The following LOXL4 variants were observed in gnomAD, a reference collection of about 807,000 sequenced individuals.
LOXL4 encodes lysyl oxidase homolog 4.
LOXL4 carries 72 observed loss-of-function variants against 89.1 expected under a neutral mutation model. That is an observed-to-expected ratio of 0.81 (90% confidence interval 0.67 to 0.98). LOXL4 has a LOEUF of 0.98. LOXL4 is among the 50% of genes least tolerant of loss of function. LOXL4 has a pLI of 0.00. For missense variants in LOXL4, 984 were observed against 1,017.5 expected (o/e 0.97, Z 0.45); for synonymous variants, 355 against 392.1 (o/e 0.91, Z 1.12).
chr10:98,262,384 C>T (rs1253965550), intron 2 of LOXL4, among the ~76,000 whole-genome samples, 171 bp from the exon 3 acceptor site: 1 of 152,208 alleles, frequency 6.6e-6, no homozygotes, highest in African/African-American at 2.4e-5. Flanking sequence ...ACCCTGCCTG[C>T]TACCTCCTTT....
At chr10:98,249,017 G>C in intron 14 of LOXL4, 26 bp from the exon 15 acceptor site, 1 of 1,591,918 alleles carries the variant, frequency 6.3e-7, no homozygotes, top group Non-Finnish European at 8.6e-7. Context: ...AAACAGGTAA[G>C]TAGCCAACCT....
rs537191866 is a variant in LOXL4, at chr10:98,253,584, G to A, written c.1804C>T (p.Arg602Cys). 53 of 1,614,256 alleles carry A rather than the reference G, an allele frequency of 3.3e-5. No homozygotes were observed. Among genetic ancestry groups the A allele is most frequent in the Admixed American group, 2.8e-4 (17 of 60,038 alleles). The stretch of plus-strand genomic sequence containing the variant: ...CACTGGTGCCAAACCCAGCTATCGC[G>A]TCCAGTCTTTGGACGAAAGTCAGTC... ...GRTDFRPKTG[R>C]DSWVWHQCHR... The change falls in exon 11 of 15, where the codon CGC becomes TGC. Residue 602 changes from arginine (R) to cysteine (C), a missense_variant. Physicochemically the swap from Arg to Cys is radical, Grantham distance 180. Coordinates refer to ENST00000260702, the MANE Select transcript of LOXL4 (RefSeq NM_032211.7).
Position 98,258,166 on chromosome 10 carries a change from T to C in LOXL4, c.922-2A>G. ...GGAGCGCAGGCGCACCCTCGGCTCC[T>C]GCTGGGAGAAACCTGCTTCAGGGAC... On this transcript the variant is annotated splice_acceptor_variant, in intron 6 of 14. Transcript: ENST00000260702. LOFTEE classifies it high-confidence loss of function. The C allele has an allele frequency of 6.2e-7, 1 of 1,607,716 alleles. No homozygotes were observed. The highest frequency in any genetic ancestry group is 8.5e-7 in the Non-Finnish European group (1 of 1,176,076).
intron 14 of LOXL4, 32 bp downstream of exon 14, chr10:98,251,033 A>T: frequency 6.7e-7 from 1 of 1,503,296 alleles, no homozygotes; most frequent in Non-Finnish European, 9.3e-7. Context: ...CTGAGCCTAT[A>T]GATGGCTGAT....
chr10:98,258,069 C>T lies in LOXL4; in HGVS notation c.1017G>A (p.Arg339=). ...CGACACTGGCAGAGATGAGGTTCCA[C>T]CTGTGGTCACAGACCGTGCCCCACT... ...NRQWGTVCDH[R]WNLISASVVC... The change falls in exon 7 of 15, where the codon AGG becomes AGA. Residue 339 remains arginine, a synonymous_variant. Transcript: ENST00000260702. 1.2e-6 allele frequency: 2 copies of T among 1,613,766 alleles called. No individual in the cohort carries two copies. Among genetic ancestry groups the T allele is most frequent in the Non-Finnish European group, 1.7e-6 (2 of 1,180,038 alleles).
intron 6 of LOXL4, among the ~76,000 whole-genome samples, chr10:98,258,453 G>A (rs770891303): frequency 6.6e-6 from 1 of 151,722 alleles, no homozygotes; most frequent in African/African-American, 2.4e-5. Context: ...CCATCTCAGT[G>A]TGGCACTAAG....
intron 1 of LOXL4, among the ~76,000 whole-genome samples, chr10:98,263,844 C>A (rs1858611904): frequency 2.0e-5 from 3 of 151,590 alleles, no homozygotes; most frequent in Admixed American, 2.0e-4. Context: ...CAATTCTCTG[C>A]CTCATCCTCC....
At chr10:98,250,090 G>A (rs1330927840) in intron 14 of LOXL4, among the ~76,000 whole-genome samples, 1 of 152,184 alleles carries the variant, frequency 6.6e-6, no homozygotes, top group Non-Finnish European at 1.5e-5. Context: ...TTACAAAACA[G>A]AAAACTCAGG....
At chr10:98,252,532 G>A (rs992903342) in intron 11 of LOXL4, 64 bp from the exon 12 acceptor site, 42 of 1,171,258 alleles carry the variant, frequency 3.6e-5, no homozygotes, top group Admixed American at 1.1e-4. Context: ...GGAGGGGCTG[G>A]TAGGGAAGAC....
At position 98,257,820 on chromosome 10, in the gene LOXL4, G is replaced by C. The variant is rs758646515; in HGVS notation, c.1106-16C>G. 7.5e-6 allele frequency: 12 copies of C among 1,606,446 alleles called. No homozygotes were observed. The highest frequency in any genetic ancestry group is 3.3e-4 in the Middle Eastern group (2 of 6,028). The stretch of plus-strand genomic sequence containing the variant: ...GGCCCTAGCCCTAGATGGGGAGAGA[G>C]GTGCTGTGTGCGAGGCTCCATCTCC... On this transcript the variant is annotated splice_polypyrimidine_tract_variant and intron_variant, in intron 7 of 14. Transcript: ENST00000260702.
intron 6 of LOXL4, among the ~76,000 whole-genome samples, chr10:98,258,586 C>T (rs1564759780): frequency 6.6e-6 from 1 of 151,990 alleles, no homozygotes; most frequent in African/African-American, 2.4e-5. Context: ...CTCAGTGTGG[C>T]GCTGAGGCAT....
intron 6 of LOXL4, 49 bp from the exon 7 acceptor site, chr10:98,258,213 A>G: frequency 6.4e-7 from 1 of 1,551,346 alleles, no homozygotes; most frequent in Non-Finnish European, 8.7e-7. Flanking sequence ...AGGCACCAGC[A>G]GGGGCTGAGC....
In LOXL4 at chr10:98,262,065, A is replaced by G. The variant is rs1320585533; in HGVS notation, c.426T>C (p.Ser142=). ...CHPRRHRGYL[S]ETVSNALGPQ... Reference sequence around the variant, plus strand: ...GCCCAAGGGCATTGGAGACAGTTTCAGAAAGGTAGCCACGATGGCGCCGGG... The same window carrying G: ...GCCCAAGGGCATTGGAGACAGTTTCGGAAAGGTAGCCACGATGGCGCCGGG... The change falls in exon 3 of 15, where the codon TCT becomes TCC. Residue 142 remains serine (S), a synonymous_variant. Coordinates refer to ENST00000260702, the MANE Select transcript of LOXL4 (RefSeq NM_032211.7). 1 of 1,611,652 alleles carries G rather than the reference A, an allele frequency of 6.2e-7. No individual in the cohort carries two copies. The highest frequency in any genetic ancestry group is 8.5e-7 in the Non-Finnish European group (1 of 1,179,314).
intron 6 of LOXL4, 43 bp downstream of exon 6, chr10:98,258,966 T>A (rs1174803513): frequency 6.8e-7 from 1 of 1,461,148 alleles, no homozygotes; most frequent in Non-Finnish European, 9.2e-7. Flanking sequence ...GTCCCGCCCG[T>A]GCCTCCAAGC....
intron 4 of LOXL4, among the ~76,000 whole-genome samples, chr10:98,260,359 G>A (rs1475413025): frequency 6.6e-6 from 1 of 152,020 alleles, no homozygotes; most frequent in Non-Finnish European, 1.5e-5. Context: ...CTGAGCTGAG[G>A]CCAGAACAGT....
chr10:98,251,511 T>C, intron 13 of LOXL4, 55 bp downstream of exon 13: 1 of 1,599,558 alleles, frequency 6.3e-7, no homozygotes, highest in Non-Finnish European at 8.5e-7. Flanking sequence ...TCAGGGAAAG[T>C]TGTGGAACAT....
At chr10:98,258,292 G>T in intron 6 of LOXL4, 128 bp from the exon 7 acceptor site, 1 of 899,398 alleles carries the variant, frequency 1.1e-6, no homozygotes, top group Non-Finnish European at 1.6e-6. Flanking sequence ...AGGATGGGGA[G>T]TTCCAGTCCT....
In LOXL4 at chr10:98,251,089, C is replaced by T. The variant is rs556627959; in HGVS notation, c.2176G>A (p.Val726Ile). 1.9e-6 allele frequency: 3 copies of T among 1,614,074 alleles called. No individual in the cohort carries two copies. In the South Asian group the frequency reaches 3.3e-5, roughly 18 times the overall value. ...CCTGTGTGGCAGTTGTGCAGCCAGA[C>T]CCGGTGCCCATCATACTTGCAGCGG... is the stretch of plus-strand genomic sequence containing the variant. ...QCRCKYDGHR[V>I]WLHNCHTGNS... The change falls in exon 14 of 15, where the codon GTC becomes ATC. Residue 726 changes from valine to isoleucine, a missense_variant. Val to Ile is a conservative substitution (Grantham distance 29). Transcript: ENST00000260702.
At position 98,256,814 on chromosome 10, in the gene LOXL4, T is replaced by G. The variant is rs1387949146; in HGVS notation, c.1394A>C (p.Gln465Pro). ...ATGGATGGCAAAACCCAGGCCGAGC[T>G]GTCGGCAGGCCACCATGGCTTCGGT... is the stretch of plus-strand genomic sequence containing the variant. ...GLTEAMVACR[Q>P]LGLGFAIHAY... is the part of the protein sequence containing the mutation. The change falls in exon 9 of 15, where the codon CAG becomes CCG. Residue 465 changes from glutamine to proline, a missense_variant. Coordinates refer to ENST00000260702, the MANE Select transcript of LOXL4 (RefSeq NM_032211.7). 6 of 1,614,182 alleles carry G rather than the reference T, an allele frequency of 3.7e-6. No homozygotes were observed. Among genetic ancestry groups the G allele is most frequent in the Non-Finnish European group, 5.1e-6 (6 of 1,180,046 alleles).
Sources: gnomAD v4.1 joint callset for allele counts (sites outside exome capture counted in the v4.1 genomes callset) on GRCh38, gnomAD v4.1.1 for gene constraint, MANE v1.5 for transcripts, NCBI Gene and HGNC (gene_info 2026-07-23, HGNC 2026-07-21) for gene names.